Variants in COBL observed in about 807,000 individuals in gnomAD.
The protein encoded by COBL is protein cordon-bleu.
In COBL, 51 loss-of-function variants were observed where a neutral mutation model predicts 98.8. The observed-to-expected ratio is 0.52, with a 90% CI of 0.41 to 0.65. COBL has a LOEUF of 0.65. Ranked by LOEUF, COBL falls within the 30% of genes least tolerant of loss-of-function variation. The pLI, the probability that COBL is intolerant of heterozygous loss-of-function variation, is 0.00. For missense variants in COBL, 1,617 were observed against 1,617.5 expected (o/e 1.00, Z 0.01); for synonymous variants, 634 against 651.7 (o/e 0.97, Z 0.41).
chr7:51,129,265 G>A (rs2128998934), intron 6 of COBL, among the ~76,000 whole-genome samples: 1 of 151,956 alleles, frequency 6.6e-6, no homozygotes, highest in Non-Finnish European at 1.5e-5. Flanking sequence ...GTGTCTGGAG[G>A]GCCGGCTTCC....
chr7:51,081,576 C>A (rs1167564850), intron 7 of COBL, among the ~76,000 whole-genome samples: 1 of 152,156 alleles, frequency 6.6e-6, no homozygotes, highest in Non-Finnish European at 1.5e-5. Context: ...AGATGCTGCA[C>A]CTGAACAGTG....
chr7:51,132,843 C>G (rs542520102), intron 6 of COBL, among the ~76,000 whole-genome samples: 1 of 152,140 alleles, frequency 6.6e-6, no homozygotes, highest in South Asian at 2.1e-4. Flanking sequence ...CTGCCACACA[C>G]TTTTAAACAA....
chr7:51,133,445 C>T (rs1259223014), intron 6 of COBL, among the ~76,000 whole-genome samples: 2 of 152,132 alleles, frequency 1.3e-5, no homozygotes, highest in Non-Finnish European at 2.9e-5. Context: ...AGGTAGTTTG[C>T]TATGAAGGGG....
intron 6 of COBL, among the ~76,000 whole-genome samples, chr7:51,125,704 T>C (rs917544888): frequency 1.3e-5 from 2 of 152,148 alleles, no homozygotes; most frequent in Non-Finnish European, 2.9e-5. Context: ...TAAATATAAC[T>C]GCCACGTGGC....
At chr7:51,143,171 G>A (rs573984200) in intron 5 of COBL, among the ~76,000 whole-genome samples, 2 of 152,286 alleles carry the variant, frequency 1.3e-5, no homozygotes, top group East Asian at 3.9e-4. Flanking sequence ...GAGCATCAGG[G>A]AAAGGATGTT....
intron 1 of COBL, among the ~76,000 whole-genome samples, chr7:51,279,512 A>T (rs1799616666): frequency 6.6e-6 from 1 of 152,190 alleles, no homozygotes; most frequent in South Asian, 2.1e-4. Flanking sequence ...CAAAGTTGAG[A>T]GGGAGGTGCA....
At chr7:51,043,952 C>T (rs1333985364) in intron 7 of COBL, among the ~76,000 whole-genome samples, 3 of 152,202 alleles carry the variant, frequency 2.0e-5, no homozygotes, top group African/African-American at 7.2e-5. Context: ...TTGGTCTCCT[C>T]TCTATGGCTA....
intron 7 of COBL, among the ~76,000 whole-genome samples, chr7:51,053,719 C>A (rs1205883921): frequency 6.6e-6 from 1 of 152,242 alleles, no homozygotes; most frequent in Non-Finnish European, 1.5e-5. Context: ...GGTGCCTCCC[C>A]ACCTGGCACA....
At chr7:51,078,045 C>T (rs1793256385) in intron 7 of COBL, among the ~76,000 whole-genome samples, 1 of 152,184 alleles carries the variant, frequency 6.6e-6, no homozygotes, top group Non-Finnish European at 1.5e-5. Flanking sequence ...TGGCTGTTCA[C>T]ATAGCATATG....
rs920057413 is a variant in COBL, at chr7:51,187,907, A to G, written c.685+2943T>C. The stretch of plus-strand genomic sequence containing the variant: ...AGCGGGAGCGGGAAGCCCCAGGTTC[A>G]CTGTACCTTGACAGCTCAGGGAAGG... On this transcript the variant is annotated intron_variant, in intron 4 of 12. Coordinates refer to ENST00000265136, the MANE Select transcript of COBL (RefSeq NM_015198.5). 6 of 1,232,290 alleles carry G rather than the reference A, an allele frequency of 4.9e-6. No individual in the cohort carries two copies. The African/African-American group carries it at 7.8e-5, about 16-fold the overall frequency. The allele number at this position is 1,232,290 out of a possible 1,614,324, so 76.3% of individuals were successfully genotyped here. A position where few individuals can be genotyped will look rare whatever the true frequency, so the allele number is the denominator to read the frequency against.
At chr7:51,101,635 C>G (rs1795813324) in intron 6 of COBL, among the ~76,000 whole-genome samples, 1 of 152,168 alleles carries the variant, frequency 6.6e-6, no homozygotes, top group African/African-American at 2.4e-5. Flanking sequence ...TTTATGATAC[C>G]ATAGTGACTA....
At chr7:51,204,481 C>G (rs985095052) in intron 2 of COBL, among the ~76,000 whole-genome samples, 5 of 150,282 alleles carry the variant, frequency 3.3e-5, no homozygotes, top group African/African-American at 1.2e-4. Flanking sequence ...AACTCAACAA[C>G]AAGAAAAAAC....
At chr7:51,151,657 G>A (rs1470059728) in intron 5 of COBL, among the ~76,000 whole-genome samples, 1 of 152,258 alleles carries the variant, frequency 6.6e-6, no homozygotes, top group Non-Finnish European at 1.5e-5. Flanking sequence ...CAGCTGGCCT[G>A]CATCAAAGTC....
At position 51,025,125 on chromosome 7, in the gene COBL, G is replaced by A; in HGVS notation, c.3752C>T (p.Ala1251Val). The A allele has an allele frequency of 6.2e-7, 1 of 1,611,934 alleles. No individual in the cohort carries two copies. Among genetic ancestry groups the A allele is most frequent in the Non-Finnish European group, 8.5e-7 (1 of 1,179,860 alleles). The change falls in exon 12 of 13, where the codon GCT becomes GTT. Residue 1251 changes from alanine to valine, a missense_variant. Coordinates refer to ENST00000265136, the MANE Select transcript of COBL (RefSeq NM_015198.5). ...CGCCATCACCTTTCTCAGTCTCGCA[G>A]CCCCTGTGCCGGAGCGGATGGCGTC... ...LMDAIRSGTG[A>V]ARLRKVPLLV
chr7:51,158,814 G>C (rs939791296), intron 5 of COBL, among the ~76,000 whole-genome samples: 22 of 152,200 alleles, frequency 1.4e-4, no homozygotes, highest in African/African-American at 5.3e-4. Flanking sequence ...ACACTGGCCT[G>C]AGCCAGGGGT....
intron 1 of COBL, among the ~76,000 whole-genome samples, chr7:51,288,892 C>T (rs1800633078): frequency 1.3e-5 from 2 of 152,168 alleles, no homozygotes; most frequent in South Asian, 4.1e-4. Flanking sequence ...AACTAATTTA[C>T]TCAACCTGTC....
At chr7:51,266,559 C>T (rs1422753063) in intron 1 of COBL, among the ~76,000 whole-genome samples, 1 of 152,152 alleles carries the variant, frequency 6.6e-6, no homozygotes, top group Non-Finnish European at 1.5e-5. Context: ...GCCTGGGCAA[C>T]AAGAGCGAGA....
intron 1 of COBL, among the ~76,000 whole-genome samples, chr7:51,280,498 C>A (rs1342944009): frequency 6.6e-6 from 1 of 152,180 alleles, no homozygotes; most frequent in Non-Finnish European, 1.5e-5. Flanking sequence ...TGGAGTAAAC[C>A]CCACTGCTTT....
At chr7:51,093,229 A>C (rs1057327146) in intron 6 of COBL, among the ~76,000 whole-genome samples, 1 of 152,208 alleles carries the variant, frequency 6.6e-6, no homozygotes, top group African/African-American at 2.4e-5. Flanking sequence ...GTGAACAGAC[A>C]TTTTGCAAAA....
Sources: allele counts gnomAD v4.1 joint callset (sites outside exome capture counted in the v4.1 genomes callset), GRCh38; gene constraint gnomAD v4.1.1; transcripts MANE v1.5; gene names NCBI Gene and HGNC (gene_info 2026-07-23, HGNC 2026-07-21).